NDUFV3: variants seen among roughly 807,000 people sequenced by gnomAD.
NDUFV3 encodes NADH dehydrogenase [ubiquinone] flavoprotein 3, mitochondrial.
NDUFV3 carries 44 observed loss-of-function variants against 37.5 expected under a neutral mutation model. That is an observed-to-expected ratio of 1.17 (90% CI 0.92 to 1.51). The LOEUF (loss-of-function observed/expected upper bound fraction) is 1.51, where lower values mean the gene tolerates loss of function less well. Among genes scored for constraint, NDUFV3 ranks in the 40% most tolerant of loss-of-function variants. The probability of loss-of-function intolerance (pLI) is 0.00; values close to 1 mark genes in which losing one functional copy is unlikely to be tolerated. For synonymous variants in NDUFV3, 235 were observed against 239.3 expected (o/e 0.98, Z 0.17); for missense variants, 580 against 580.4 (o/e 1.00, Z 0.01).
chr21:42,906,763 T>A (rs1476514312), intron 3 of NDUFV3: 1 of 457,714 alleles, frequency 2.2e-6, no homozygotes, highest in Non-Finnish European at 4.4e-6. Context: ...TGGTTTTAGA[T>A]CAGAGTTTTG....
intron 3 of NDUFV3, 66 bp downstream of exon 3, chr21:42,904,342 T>C (rs2058732550): frequency 6.5e-7 from 1 of 1,544,692 alleles, no homozygotes; most frequent in African/African-American, 1.4e-5. Flanking sequence ...AAGAACTAAT[T>C]TACATATGCT....
chr21:42,897,067 C>T lies in NDUFV3; in HGVS notation c.169+20C>T, dbSNP rs1428715919. 4 of 1,612,862 alleles carry T rather than the reference C, an allele frequency of 2.5e-6. No homozygotes were observed. The African/African-American group carries it at 5.3e-5, about 22-fold the overall frequency. On this transcript the variant is annotated intron_variant, in intron 2 of 3. Transcript: ENST00000354250. ...CAAAAAGTAAGATTTTGATGGTAGT[C>T]ATAAGGGAAAGAGAATGCAAAAAGA...
In NDUFV3 at chr21:42,903,904, G is replaced by A; in HGVS notation, c.892G>A (p.Gly298Arg). 6.2e-7 allele frequency: 1 copy of A among 1,611,596 alleles called. No individual in the cohort carries two copies. The highest frequency in any genetic ancestry group is 8.5e-7 in the Non-Finnish European group (1 of 1,178,872). ...ACCCTTACCTGTCCACACAAAATCAGGGTTGTCTGCGCCACCGAAGGGCAG... is the reference window on the plus strand; with the variant it reads ...ACCCTTACCTGTCCACACAAAATCAAGGTTGTCTGCGCCACCGAAGGGCAG... ...KGPLPVHTKS[G>R]LSAPPKGSPA... Residue 298 changes from glycine (G) to arginine (R), a missense_variant, in exon 3 of 4, where the codon GGG (glycine) becomes AGG (arginine). Physicochemically the swap from Gly to Arg is moderately radical, Grantham distance 125 (BLOSUM62 -2). Transcript: ENST00000354250.
intron 2 of NDUFV3, among the ~76,000 whole-genome samples, chr21:42,901,601 CAA>C (rs575329197): frequency 1.3e-4 from 16 of 123,110 alleles, no homozygotes; most frequent in Admixed American, 1.7e-4. Flanking sequence ...GACTCCATCT[CAA>C]AAAAAAAAAA....
At chr21:42,908,814 T>G (rs368392617) in intron 3 of NDUFV3, 50 bp from the exon 4 acceptor site, 5 of 1,611,242 alleles carry the variant, frequency 3.1e-6, no homozygotes, top group Non-Finnish European at 3.4e-6. Context: ...GAGTCATTCA[T>G]AAAGAGCTGT....
intron 1 of NDUFV3, among the ~76,000 whole-genome samples, chr21:42,894,435 A>AT (rs571152524): frequency 1.7e-5 from 1 of 57,564 alleles, no homozygotes; most frequent in African/African-American, 1.2e-4. Context: ...ATAAATATAT[A>AT]TTATATAATA....
At chr21:42,900,088 A>G (rs1347861355) in intron 2 of NDUFV3, among the ~76,000 whole-genome samples, 2 of 152,122 alleles carry the variant, frequency 1.3e-5, no homozygotes, top group Non-Finnish European at 2.9e-5. Context: ...GGTCCTAGTT[A>G]CTCAGGAGGC....
At chr21:42,900,965 A>G (rs9979060) in intron 2 of NDUFV3, among the ~76,000 whole-genome samples, 347 of 152,210 alleles carry the variant, frequency 2.3e-3, no homozygotes, top group Non-Finnish European at 3.6e-3. Flanking sequence ...ACCCAGGCCT[A>G]ATTTTGCAAC....
At chr21:42,897,362 C>T (rs978905934) in intron 2 of NDUFV3, among the ~76,000 whole-genome samples, 4 of 152,182 alleles carry the variant, frequency 2.6e-5, no homozygotes, top group Non-Finnish European at 5.9e-5. Context: ...GCACAGTGAG[C>T]TTGCCAGAAA....
intron 1 of NDUFV3, among the ~76,000 whole-genome samples, chr21:42,894,428 A>AAT: frequency 3.2e-5 from 1 of 31,538 alleles, no homozygotes; most frequent in South Asian, 6.4e-4. Flanking sequence ...ATATTATATA[A>AAT]ATATATATTA....
chr21:42,893,946 G>C (rs2058669741), intron 1 of NDUFV3, among the ~76,000 whole-genome samples: 1 of 152,148 alleles, frequency 6.6e-6, no homozygotes, highest in Non-Finnish European at 1.5e-5. Context: ...CGGACACTTT[G>C]GGATTTTGCC....
At chr21:42,895,046 A>T (rs894838492) in intron 1 of NDUFV3, among the ~76,000 whole-genome samples, 4 of 152,140 alleles carry the variant, frequency 2.6e-5, no homozygotes, top group African/African-American at 4.8e-5. Flanking sequence ...TTTTCTAAGG[A>T]TAAGAAAACA....
chr21:42,896,711 G>T (rs2058693024), intron 1 of NDUFV3, among the ~76,000 whole-genome samples: 1 of 152,060 alleles, frequency 6.6e-6, no homozygotes, highest in African/African-American at 2.4e-5. Flanking sequence ...TATTAGCCAG[G>T]CATGGTAGTA....
At position 42,903,222 on chromosome 21, in the gene NDUFV3, C is replaced by T. The variant is rs773038757; in HGVS notation, c.210C>T (p.Thr70=). 11 of 1,614,012 alleles carry T rather than the reference C, an allele frequency of 6.8e-6. No homozygotes were observed. The highest frequency in any genetic ancestry group is 4.5e-5 in the East Asian group (2 of 44,896). The part of the protein sequence containing the change: ...EPKERGKLLA[T]QTAAELSKNL... Reference sequence around the variant, plus strand: ...AGGAGAGGGGCAAGCTCCTAGCCACCCAGACAGCAGCTGAATTGTCTAAAA... The same window carrying T: ...AGGAGAGGGGCAAGCTCCTAGCCACTCAGACAGCAGCTGAATTGTCTAAAA... The change falls in exon 3 of 4, where the codon ACC becomes ACT. Residue 70 remains threonine, a synonymous_variant. Transcript: ENST00000354250.
intron 3 of NDUFV3, 144 bp downstream of exon 3, chr21:42,904,420 G>T (rs2058732862): frequency 5.6e-6 from 6 of 1,077,340 alleles, no homozygotes; most frequent in South Asian, 4.2e-5. Flanking sequence ...GTCTCAGCCA[G>T]GCAGAAAAGT....
Position 42,903,920 on chromosome 21 carries a change from C to T in NDUFV3, c.908C>T (p.Pro303Leu), listed in dbSNP as rs369894488. 2.7e-5 allele frequency: 44 copies of T among 1,611,836 alleles called. No homozygotes were observed. The highest frequency in any genetic ancestry group is 1.6e-4 in the Middle Eastern group (1 of 6,072). ...VHTKSGLSAP[P>L]KGSPAPAVLA... ...ACAAAATCAGGGTTGTCTGCGCCAC[C>T]GAAGGGCAGCCCAGCGCCTGCTGTG... is the stretch of plus-strand genomic sequence containing the variant. Residue 303 changes from proline to leucine, a missense_variant, in exon 3 of 4, where the codon CCG becomes CTG. Coordinates refer to ENST00000354250, the MANE Select transcript of NDUFV3 (RefSeq NM_021075.4).
At position 42,903,698 on chromosome 21, in the gene NDUFV3, A is replaced by G. The variant is rs1568859623; in HGVS notation, c.686A>G (p.Lys229Arg). ...TDPEKPHQPKKKGSPAKPSEG... is the reference protein window; with the variant it reads ...TDPEKPHQPKRKGSPAKPSEG... ...CCAGAGAAGCCCCACCAGCCAAAGA[A>G]GAAAGGGTCCCCTGCTAAGCCATCA... Residue 229 changes from lysine (K) to arginine (R), a missense_variant, in exon 3 of 4, where the codon AAG (lysine) becomes AGG (arginine). Transcript: ENST00000354250. The G allele has an allele frequency of 1.2e-6, 2 of 1,614,194 alleles. No homozygotes were observed. Among genetic ancestry groups the G allele is most frequent in the South Asian group, 1.1e-5 (1 of 91,088 alleles).
rs754923368 is a variant in NDUFV3 at position 42,908,899 on chromosome 21, A to T, written c.1300A>T (p.Thr434Ser). ...APVPAEPFDN[T>S]TYKNLQHHDY... ...AGTGCCTGCTGAGCCGTTTGACAAC[A>T]CTACCTACAAGAACCTGCAGCATCA... is the stretch of plus-strand genomic sequence containing the variant. Residue 434 changes from threonine (T) to serine (S), a missense_variant, in exon 4 of 4, where the codon ACT (threonine) becomes TCT (serine). By Grantham distance (58) the Thr-to-Ser change is moderately conservative. Transcript: ENST00000354250. The T allele has an allele frequency of 3.7e-6, 6 of 1,613,974 alleles. No homozygotes were observed. The South Asian group carries it at 5.5e-5, about 15-fold the overall frequency.
rs2058693686 is a variant in NDUFV3 at position 42,896,862 on chromosome 21, T to C, written c.49-65T>C. On this transcript the variant is annotated intron_variant, in intron 1 of 3. Coordinates refer to ENST00000354250, the MANE Select transcript of NDUFV3 (RefSeq NM_021075.4). ...CTCAAAAAATATATATATATATTCA[T>C]ATATAGTACCAGCTATTATAATGGC... 6.7e-6 allele frequency: 10 copies of C among 1,496,896 alleles called. No individual in the cohort carries two copies. In the South Asian group the frequency reaches 1.1e-4, roughly 17 times the overall value. The allele number at this position is 1,496,896 out of a possible 1,614,324, so 92.7% of individuals were successfully genotyped here.
Sources: allele counts gnomAD v4.1 joint callset (sites outside exome capture counted in the v4.1 genomes callset), GRCh38; gene constraint gnomAD v4.1.1; transcripts MANE v1.5; gene names NCBI Gene and HGNC (gene_info 2026-07-23, HGNC 2026-07-21).